TASOR: variants seen among roughly 807,000 people sequenced by gnomAD.
TASOR encodes protein TASOR.
In TASOR, 53 loss-of-function variants were observed where a neutral mutation model predicts 178.6. The ratio of observed to expected loss-of-function variants is 0.30; its 90% confidence interval spans 0.24 to 0.37. The LOEUF is 0.37. Among genes scored for constraint, TASOR ranks in the 10% least tolerant of loss-of-function variants. TASOR has a pLI of 1.00. For missense variants in TASOR, 1,815 were observed against 1,971.4 expected (o/e 0.92, Z 1.50); for synonymous variants, 713 against 696.2 (o/e 1.02, Z -0.38).
chr3:56,638,987 T>C (rs767572240), intron 16 of TASOR, among the ~76,000 whole-genome samples: 2 of 152,214 alleles, frequency 1.3e-5, no homozygotes, highest in Non-Finnish European at 2.9e-5. Context: ...ACGGTTAGGA[T>C]AACCTTCTTA....
At chr3:56,628,378 T>G in intron 19 of TASOR, 114 bp downstream of exon 19, 1 of 1,001,466 alleles carries the variant, frequency 1.0e-6, no homozygotes, top group African/African-American at 1.7e-5. Flanking sequence ...AGATGGGTCC[T>G]TAAGTTTAAT....
In TASOR at chr3:56,620,711, T is replaced by TTTAC. The variant is rs1415859466; in HGVS notation, c.*2322_*2325dup. ...TTTCTTTAGAGTGACGAAGTGTTAG[T>TTTAC]TTACTTCTTGCTTAGTGGAGACAAA... On this transcript the variant is annotated 3_prime_UTR_variant, in exon 24 of 24. Coordinates refer to ENST00000683822, the MANE Select transcript of TASOR (RefSeq NM_001365635.2). The TTTAC allele has an allele frequency of 6.6e-6, 1 of 152,234 alleles. No individual in the cohort carries two copies. Among genetic ancestry groups the TTTAC allele is most frequent in the Non-Finnish European group, 1.5e-5 (1 of 68,062 alleles). 9.4% of individuals were successfully genotyped at this position (152,234 alleles called of 1,614,324 possible). A position where few individuals can be genotyped will look rare whatever the true frequency, so the allele number is the denominator to read the frequency against.
At position 56,643,769 on chromosome 3, in the gene TASOR, C is replaced by CAA. The variant is rs66937003; in HGVS notation, c.2216-2019_2216-2018dup. The stretch of plus-strand genomic sequence containing the variant: ...GACTCCGTCTCAAAAAAAAAAAAAA[C>CAA]AAAAAAAAAAGTTAGAATACAACCT... On this transcript the variant is annotated intron_variant, in intron 14 of 23. Transcript: ENST00000683822. Among the ~76,000 whole-genome samples the CAA allele has an allele frequency of 3.8e-3, 388 of 101,778 alleles. 4 individuals are homozygous for CAA. Among genetic ancestry groups the CAA allele is most frequent in the African/African-American group, 0.017 (376 of 22,574 alleles). 66.8% of individuals were successfully genotyped at this position (101,778 alleles called of 152,430 possible). A position where few individuals can be genotyped will look rare whatever the true frequency, so the allele number is the denominator to read the frequency against.
chr3:56,632,653 T>C (rs1264499758), intron 18 of TASOR, among the ~76,000 whole-genome samples: 1 of 152,108 alleles, frequency 6.6e-6, no homozygotes, highest in African/African-American at 2.4e-5. Context: ...AAATACACAA[T>C]TAACATTTAT....
At chr3:56,670,183 A>G (rs1358298068) in intron 3 of TASOR, 38 bp from the exon 4 acceptor site, 1 of 1,239,662 alleles carries the variant, frequency 8.1e-7, no homozygotes, top group Non-Finnish European at 1.1e-6. Flanking sequence ...TGCAGTCATA[A>G]CAACATTTAA....
rs759806220 is a variant in TASOR, at chr3:56,641,149, A to G, written c.2619+200T>C. Among the ~76,000 whole-genome samples the G allele has an allele frequency of 1.5e-4, 23 of 151,406 alleles. 1 individual carries two copies. The highest frequency in any genetic ancestry group is 2.8e-4 in the Non-Finnish European group (19 of 68,008). On this transcript the variant is annotated intron_variant, in intron 15 of 23. Coordinates refer to ENST00000683822, the MANE Select transcript of TASOR (RefSeq NM_001365635.2). The stretch of plus-strand genomic sequence containing the variant: ...GTAGACAATATATTAAGCTTCTAAG[A>G]AGGAAGGAAAACTACTTCAGCATTT...
rs2076871652 is a variant in TASOR, at chr3:56,629,748, T to C, written c.3748-1134A>G. Among the ~76,000 whole-genome samples, 5 of 152,120 alleles carry C rather than the reference T, an allele frequency of 3.3e-5. No homozygotes were observed. The South Asian group carries it at 1.0e-3, about 32-fold the overall frequency. Reference sequence around the variant, plus strand: ...CTCATTTCAGAGATTACTTTTAATGTCAGCACAGCTGGTCAGACAGCTATA... The same window carrying C: ...CTCATTTCAGAGATTACTTTTAATGCCAGCACAGCTGGTCAGACAGCTATA... On this transcript the variant is annotated intron_variant, in intron 18 of 23. Coordinates refer to ENST00000683822, the MANE Select transcript of TASOR (RefSeq NM_001365635.2).
At chr3:56,646,232 C>G (rs539897005) in intron 14 of TASOR, among the ~76,000 whole-genome samples, 1 of 152,188 alleles carries the variant, frequency 6.6e-6, no homozygotes, top group Non-Finnish European at 1.5e-5. Flanking sequence ...ATTTAGAAAT[C>G]TGATGTACCA....
intron 1 of TASOR, among the ~76,000 whole-genome samples, chr3:56,681,804 T>C (rs1244532091): frequency 6.6e-6 from 1 of 152,198 alleles, no homozygotes; most frequent in South Asian, 2.1e-4. Flanking sequence ...TGACTCCATA[T>C]TAACAATATG....
intron 11 of TASOR, among the ~76,000 whole-genome samples, chr3:56,659,213 C>T (rs1246421354): frequency 2.6e-5 from 4 of 152,152 alleles, no homozygotes; most frequent in Non-Finnish European, 5.9e-5. Flanking sequence ...TGCCATTCGA[C>T]TACCTGGAAA....
chr3:56,669,300 G>A (rs1373824595), intron 5 of TASOR, among the ~76,000 whole-genome samples: 3 of 152,032 alleles, frequency 2.0e-5, no homozygotes, highest in African/African-American at 7.2e-5. Context: ...TCAGGAGATC[G>A]AGACCATCCT....
Position 56,621,830 on chromosome 3 carries a change from A to T in TASOR, c.*1207T>A. 3.6e-6 allele frequency: 1 copy of T among 277,530 alleles called. No homozygotes were observed. Among genetic ancestry groups the T allele is most frequent in the Non-Finnish European group, 6.7e-6 (1 of 150,328 alleles). 17.2% of individuals were successfully genotyped at this position (277,530 alleles called of 1,614,324 possible). The stretch of plus-strand genomic sequence containing the variant: ...AAAAGCTTAGTAGTAAAAAAAAAAA[A>T]AAAAAAACCGGTTCTTCTGCTCTGT... On this transcript the variant is annotated 3_prime_UTR_variant, in exon 24 of 24. Coordinates refer to ENST00000683822, the MANE Select transcript of TASOR (RefSeq NM_001365635.2).
At chr3:56,642,557 G>A (rs769128088) in intron 14 of TASOR, among the ~76,000 whole-genome samples, 15 of 152,180 alleles carry the variant, frequency 9.9e-5, no homozygotes, top group Admixed American at 3.9e-4. Context: ...ACAAAGGAGT[G>A]CATACTGTAT....
intron 1 of TASOR, among the ~76,000 whole-genome samples, chr3:56,679,720 T>C (rs1195491140): frequency 6.6e-6 from 1 of 152,138 alleles, no homozygotes; most frequent in Non-Finnish European, 1.5e-5. Context: ...CCCAAGAACT[T>C]TGGAGGGAAA....
chr3:56,674,859 C>T (rs2031138932), intron 1 of TASOR, among the ~76,000 whole-genome samples: 1 of 152,196 alleles, frequency 6.6e-6, no homozygotes, highest in East Asian at 1.9e-4. Flanking sequence ...CGCTCTGTCA[C>T]CCAGGCTGGA....
In TASOR at chr3:56,641,600, T is replaced by A; in HGVS notation, c.2368A>T (p.Thr790Ser). The part of the protein sequence containing the change: ...ANARHSDASL[T>S]DTVNKALGLS... The stretch of plus-strand genomic sequence containing the variant: ...CCTAAGGCTTTGTTGACTGTGTCTG[T>A]CAGAGATGCATCAGAATGGCGCGCA... The change falls in exon 15 of 24, where the codon ACA (threonine) becomes TCA (serine). Residue 790 changes from threonine (T) to serine (S), a missense_variant. This residue lies in a region of TASOR where 655 missense variants were observed against 671.1 expected (regional missense o/e 0.98). Coordinates refer to ENST00000683822, the MANE Select transcript of TASOR (RefSeq NM_001365635.2). 6.2e-7 allele frequency: 1 copy of A among 1,614,202 alleles called. No homozygotes were observed.
At position 56,670,129 on chromosome 3, in the gene TASOR, T is replaced by C; in HGVS notation, c.587A>G (p.Glu196Gly). ...GGACTGACCCACATGTAATCCTTTT[T>C]CACATATGGTTTGAACCTAAATTTA... ...VDRYQVQTIC[E>G]KGLHVGQSKI... Residue 196 changes from glutamate to glycine, a missense_variant, in exon 4 of 24, where the codon GAA (glutamate) becomes GGA (glycine). Transcript: ENST00000683822. 6.5e-7 allele frequency: 1 copy of C among 1,537,770 alleles called. No individual in the cohort carries two copies. Among genetic ancestry groups the C allele is most frequent in the African/African-American group, 1.4e-5 (1 of 72,798 alleles).
chr3:56,652,257 T>TA (rs71621835), intron 11 of TASOR, among the ~76,000 whole-genome samples: 1 of 151,942 alleles, frequency 6.6e-6, no homozygotes, highest in Non-Finnish European at 1.5e-5. Context: ...AATCTACTTT[T>TA]AAAAAAAACA....
At chr3:56,635,639 A>T (rs1468309489) in intron 17 of TASOR, among the ~76,000 whole-genome samples, 2 of 152,212 alleles carry the variant, frequency 1.3e-5, no homozygotes, top group African/African-American at 2.4e-5. Context: ...ACCTTAATTT[A>T]AAAAATTCTG....
Sources: allele counts gnomAD v4.1 joint callset (sites outside exome capture counted in the v4.1 genomes callset), GRCh38; gene constraint gnomAD v4.1.1; regional missense constraint gnomAD v4.1.1; transcripts MANE v1.5; gene names NCBI Gene and HGNC (gene_info 2026-07-23, HGNC 2026-07-21).